The following NADK variants were observed in gnomAD, a reference collection of about 807,000 sequenced individuals.
NADK encodes the protein poly(P)/ATP NAD kinase.
A neutral mutation model predicts 49.8 loss-of-function variants in NADK; 22 were observed. The observed-to-expected ratio is 0.44, with a 90% CI of 0.32 to 0.63. NADK has a LOEUF of 0.63. Among genes scored for constraint, NADK ranks in the 30% least tolerant of loss-of-function variants. NADK has a pLI of 0.06. For missense variants in NADK, 438 were observed against 609.4 expected (o/e 0.72, Z 2.96); for synonymous variants, 268 against 253.7 (o/e 1.06, Z -0.54).
At chr1:1,772,933 C>CG (rs1406892066) in intron 1 of NADK, among the ~76,000 whole-genome samples, 1 of 149,494 alleles carries the variant, frequency 6.7e-6, no homozygotes, top group Non-Finnish European at 1.5e-5. Flanking sequence ...CCCAGCCACT[C>CG]GGGAGGCTGA....
intron 2 of NADK, among the ~76,000 whole-genome samples, chr1:1,762,436 A>G (rs1289351513): frequency 6.6e-6 from 1 of 152,208 alleles, no homozygotes; most frequent in Non-Finnish European, 1.5e-5. Context: ...TTCTAGCACA[A>G]ATGTTCACTC....
In NADK at chr1:1,754,531, C is replaced by T. The variant is rs769764174; in HGVS notation, c.843+13G>A. ...CCTGGGCCCCTCACCGAGGCCGAGG[C>T]GCCTCCACTCACCTGGTACTGCATG... On this transcript the variant is annotated intron_variant, in intron 8 of 11. Coordinates refer to ENST00000341426, the MANE Select transcript of NADK (RefSeq NM_023018.5). The surrounding 1 kb of genome is among the most constrained non-coding windows in gnomAD (Gnocchi z 4.3). 26 of 1,604,468 alleles carry T rather than the reference C, an allele frequency of 1.6e-5. No individual in the cohort carries two copies. Among genetic ancestry groups the T allele is most frequent in the East Asian group, 4.5e-5 (2 of 44,756 alleles).
chr1:1,755,523 C>CT (rs1645487484), intron 6 of NADK, 47 bp from the exon 7 acceptor site: 2 of 1,414,534 alleles, frequency 1.4e-6, no homozygotes, highest in Non-Finnish European at 2.0e-6. Flanking sequence ...CGTGCACCCC[C>CT]GCACCACCCA....
intron 3 of NADK, chr1:1,759,631 A>C: frequency 1.6e-6 from 2 of 1,280,916 alleles, no homozygotes; most frequent in Non-Finnish European, 2.1e-6. Context: ...GGGGATGGGA[A>C]GCGGGAGGTT....
intron 7 of NADK, among the ~76,000 whole-genome samples, chr1:1,755,110 C>T (rs187769042): frequency 7.9e-5 from 12 of 152,334 alleles, no homozygotes; most frequent in Admixed American, 1.3e-4. Context: ...TGAGCCACCG[C>T]GCCCGGCCGA....
chr1:1,767,451 C>T (rs1457158326), intron 1 of NADK, among the ~76,000 whole-genome samples: 1 of 152,102 alleles, frequency 6.6e-6, no homozygotes, highest in African/African-American at 2.4e-5. Flanking sequence ...ATGAACTGAG[C>T]ATTCAAGCCA....
At chr1:1,760,012 C>T (rs887027929) in intron 3 of NADK, 22 of 1,237,056 alleles carry the variant, frequency 1.8e-5, no homozygotes, top group East Asian at 7.6e-5. Flanking sequence ...ACGGCGGGGC[C>T]GGGAGGGCAG....
upstream of NADK, among the ~76,000 whole-genome samples, chr1:1,779,640 G>A (rs189008018): frequency 7.2e-3 from 1,089 of 151,400 alleles, 41 homozygotes; most frequent in Admixed American, 0.064. Flanking sequence ...CGCCACACTC[G>A]ACTACTTCAT....
chr1:1,770,548 T>C (rs937055446), intron 1 of NADK, among the ~76,000 whole-genome samples: 4 of 152,262 alleles, frequency 2.6e-5, no homozygotes, highest in Non-Finnish European at 4.4e-5. Context: ...CTGGCTAACA[T>C]GGTGAAACTC....
At chr1:1,769,095 T>C (rs1453291188) in intron 1 of NADK, among the ~76,000 whole-genome samples, 1 of 152,254 alleles carries the variant, frequency 6.6e-6, no homozygotes, top group East Asian at 1.9e-4. Flanking sequence ...TTGACAGTAC[T>C]GTCCCAGTGG....
intron 1 of NADK, among the ~76,000 whole-genome samples, chr1:1,776,442 C>G (rs1008852151): frequency 6.8e-6 from 1 of 147,076 alleles, no homozygotes; most frequent in African/African-American, 2.4e-5. Context: ...ACAACATAAA[C>G]CCACCTCCAA....
intron 3 of NADK, among the ~76,000 whole-genome samples, chr1:1,761,165 G>C (rs565752100): frequency 6.6e-6 from 1 of 152,192 alleles, no homozygotes; most frequent in Non-Finnish European, 1.5e-5. Context: ...GCTAATTTTT[G>C]TACTTTTAGT....
rs1645350825 is a variant in NADK at position 1,752,312 on chromosome 1, A to G, written c.*592T>C. The G allele has an allele frequency of 1.3e-5, 2 of 152,666 alleles. No individual in the cohort carries two copies. The allele number at this position is 152,666 out of a possible 1,614,324, so 9.5% of individuals were successfully genotyped here. ...CAGCCCCCTTCCCGCTGAGTGTCCC[A>G]GACTCAGTGCTGGCCTCAAGCGGGG... On this transcript the variant is annotated 3_prime_UTR_variant, in exon 12 of 12. Transcript: ENST00000341426.
intron 10 of NADK, 76 bp from the exon 11 acceptor site, chr1:1,753,725 C>T (rs1168175368): frequency 1.1e-5 from 14 of 1,310,888 alleles, no homozygotes; most frequent in East Asian, 2.5e-5. Context: ...CCTGAGTGCT[C>T]GCCAGAGGTC....
intron 3 of NADK, among the ~76,000 whole-genome samples, chr1:1,761,489 T>G (rs1226483112): frequency 6.6e-6 from 1 of 152,208 alleles, no homozygotes; most frequent in African/African-American, 2.4e-5. Context: ...GTTTTTCCCA[T>G]GACACTATGA....
chr1:1,764,229 T>C (rs1345772093), intron 2 of NADK, among the ~76,000 whole-genome samples: 1 of 152,180 alleles, frequency 6.6e-6, no homozygotes, highest in Non-Finnish European at 1.5e-5. Context: ...AAGCCCCCCT[T>C]GCATTTGATA....
chr1:1,753,163 T>C, intron 11 of NADK, 103 bp from the exon 12 acceptor site: 2 of 1,402,460 alleles, frequency 1.4e-6, no homozygotes, highest in Non-Finnish European at 1.9e-6. Flanking sequence ...GGGACTCTTT[T>C]CCTGTGGGGC....
chr1:1,765,293 G>A lies in NADK; in HGVS notation c.114C>T (p.Ile38=). The A allele has an allele frequency of 6.2e-7, 1 of 1,613,414 alleles. No homozygotes were observed. Among genetic ancestry groups the A allele is most frequent in the Non-Finnish European group, 8.5e-7 (1 of 1,179,722 alleles). Residue 38 remains isoleucine (I), a synonymous_variant, in exon 2 of 12, where the codon ATC becomes ATT. Coordinates refer to ENST00000341426, the MANE Select transcript of NADK (RefSeq NM_023018.5). Reference sequence around the variant, plus strand: ...GGCTGCGAGACTTGGCCCGGCCCCGGATGGGGTGGTTGTAACTCCAGGTCT... The same window carrying A: ...GGCTGCGAGACTTGGCCCGGCCCCGAATGGGGTGGTTGTAACTCCAGGTCT... ...GDETWSYNHP[I]RGRAKSRSLS... is the part of the protein sequence containing the mutation.
At chr1:1,771,269 A>G (rs1646045613) in intron 1 of NADK, among the ~76,000 whole-genome samples, 1 of 152,046 alleles carries the variant, frequency 6.6e-6, no homozygotes, top group Admixed American at 6.6e-5. Context: ...ATGGAGAGAC[A>G]TACCATGTTC....
Sources: gnomAD v4.1 joint callset for allele counts (sites outside exome capture counted in the v4.1 genomes callset) on GRCh38, gnomAD v4.1.1 for gene constraint, Gnocchi (gnomAD v3.1) non-coding constraint, MANE v1.5 for transcripts, NCBI Gene and HGNC (gene_info 2026-07-23, HGNC 2026-07-21) for gene names.